CLDN16: variants seen among roughly 807,000 people sequenced by gnomAD.
CLDN16 encodes the protein claudin-16.
CLDN16 carries 13 observed loss-of-function variants against 24.6 expected under a neutral mutation model. The observed-to-expected ratio is 0.53, with a 90% confidence interval of 0.34 to 0.84. The LOEUF is 0.84. Among genes scored for constraint, CLDN16 ranks in the 40% least tolerant of loss-of-function variants. The pLI is 0.01. For synonymous variants in CLDN16, 116 were observed against 106.7 expected, an observed-to-expected ratio of 1.09 and a Z score of -0.54; for missense variants, 298 against 292.7, an observed-to-expected ratio of 1.02 and a Z score of -0.13.
chr3:190,372,211 C>T (rs918182979), intron 2 of CLDN16, among the ~76,000 whole-genome samples: 1 of 151,948 alleles, frequency 6.6e-6, no homozygotes, highest in Admixed American at 6.6e-5. Flanking sequence ...GAAAGCTTTG[C>T]AAACAGAGGG....
At chr3:190,343,816 T>G (rs890995978) in intron 1 of CLDN16, among the ~76,000 whole-genome samples, 1 of 151,838 alleles carries the variant, frequency 6.6e-6, no homozygotes, top group African/African-American at 2.4e-5. Context: ...AGAGTTCAGG[T>G]CTGGGGGAGA....
intron 3 of CLDN16, among the ~76,000 whole-genome samples, chr3:190,376,377 T>C (rs1718249102): frequency 6.6e-6 from 1 of 151,496 alleles, no homozygotes; most frequent in African/African-American, 2.4e-5. Context: ...ACTGAAGAAG[T>C]CACAAAATTG....
chr3:190,321,572 G>A (rs571643042), upstream of CLDN16, among the ~76,000 whole-genome samples: 54 of 152,320 alleles, frequency 3.5e-4, no homozygotes, highest in Non-Finnish European at 3.4e-4. Flanking sequence ...GCACACTTGA[G>A]AAGTTACCAG....
At position 190,381,567 on chromosome 3, in the gene CLDN16, G is replaced by C. The variant is rs138110768; in HGVS notation, n.306+6964G>C. The stretch of plus-strand genomic sequence containing the variant: ...TTACTCCTACTGCCTCTAGGCCCTT[G>C]ATAATATTATTTCTATCCCTGATGT... On this transcript the variant is annotated intron_variant and non_coding_transcript_variant, in intron 3 of 4. Transcript: ENST00000468220. Among the ~76,000 whole-genome samples the C allele has an allele frequency of 3.8e-3, 583 of 152,060 alleles. 5 individuals carry two copies. Among genetic ancestry groups the C allele is most frequent in the African/African-American group, 0.013 (558 of 41,484 alleles).
chr3:190,296,013 G>A, the CLDN16 span, among the ~76,000 whole-genome samples: 1 of 152,070 alleles, frequency 6.6e-6, no homozygotes, highest in South Asian at 2.1e-4. Context: ...TTTCTTCCCT[G>A]ATAATTATAA....
intron 1 of CLDN16, among the ~76,000 whole-genome samples, chr3:190,337,907 T>C (rs1317708828): frequency 6.6e-6 from 1 of 152,176 alleles, no homozygotes; most frequent in Non-Finnish European, 1.5e-5. Context: ...CTATGATACA[T>C]TGAATCAATT....
At chr3:190,325,558 A>G (rs993932132) in intron 1 of CLDN16, among the ~76,000 whole-genome samples, 1 of 152,202 alleles carries the variant, frequency 6.6e-6, no homozygotes, top group South Asian at 2.1e-4. Context: ...TGCTTGTGCG[A>G]CTGATGCTTG....
chr3:190,381,317 A>G (rs149299836), intron 3 of CLDN16, among the ~76,000 whole-genome samples: 1 of 152,198 alleles, frequency 6.6e-6, no homozygotes, highest in African/African-American at 2.4e-5. Flanking sequence ...GTAAAAAAAG[A>G]TGCTACCTAA....
intron 1 of CLDN16, among the ~76,000 whole-genome samples, chr3:190,356,818 A>G (rs1313184827): frequency 6.6e-6 from 1 of 151,934 alleles, no homozygotes; most frequent in African/African-American, 2.4e-5. Context: ...ATGATTGCAG[A>G]TATCATAATA....
intron 1 of CLDN16, among the ~76,000 whole-genome samples, chr3:190,357,635 C>T (rs377155220): frequency 6.6e-6 from 1 of 152,048 alleles, no homozygotes; most frequent in Admixed American, 6.6e-5. Flanking sequence ...ACCTTTCTCA[C>T]TCCTACACCA....
chr3:190,410,217 C>T lies in CLDN16; in HGVS notation c.*181C>T, dbSNP rs145675747. On this transcript the variant is annotated 3_prime_UTR_variant, in exon 5 of 5. Coordinates refer to ENST00000264734, the MANE Select transcript of CLDN16 (RefSeq NM_006580.4). ...TCTTTCTATTACTCTTATATTTTCC[C>T]GTCATTCTCTCTGCTAACCTTCCAC... The T allele has an allele frequency of 6.7e-3, 4,584 of 687,014 alleles. 25 individuals carry two copies. The highest frequency in any genetic ancestry group is 9.4e-3 in the Non-Finnish European group (3,781 of 402,384). The allele number at this position is 687,014 out of a possible 1,614,324, so 42.6% of individuals were successfully genotyped here.
intron 1 of CLDN16, among the ~76,000 whole-genome samples, chr3:190,356,016 T>G (rs944899342): frequency 2.0e-5 from 3 of 151,748 alleles, no homozygotes; most frequent in African/African-American, 7.2e-5. Context: ...CCTAAAATTA[T>G]TTTAGGTCCA....
At chr3:190,376,672 T>C (rs193231813) in intron 3 of CLDN16, among the ~76,000 whole-genome samples, 6 of 152,066 alleles carry the variant, frequency 3.9e-5, no homozygotes, top group African/African-American at 1.4e-4. Flanking sequence ...GTATCCAAAC[T>C]TAATCACTGA....
chr3:190,298,214 C>A, the CLDN16 span, among the ~76,000 whole-genome samples: 1 of 152,074 alleles, frequency 6.6e-6, no homozygotes, highest in Admixed American at 6.6e-5. Context: ...AGGACTAGAA[C>A]GTTACCAACA....
chr3:190,349,016 G>A (rs4686543), intron 1 of CLDN16, among the ~76,000 whole-genome samples: 100,931 of 152,118 alleles, frequency 0.66, 35,158 homozygotes, highest in East Asian at 0.93. Context: ...TCATGGCTGC[G>A]TAATATACCA....
chr3:190,315,866 G>A, the CLDN16 span, among the ~76,000 whole-genome samples: 1 of 152,088 alleles, frequency 6.6e-6, no homozygotes, highest in Non-Finnish European at 1.5e-5. Flanking sequence ...TCATGAGTCG[G>A]ACTGTGTAAA....
At chr3:190,404,692 G>A (rs1371004451) in intron 2 of CLDN16, 70 bp from the exon 3 acceptor site, 1 of 1,491,114 alleles carries the variant, frequency 6.7e-7, no homozygotes, top group South Asian at 1.1e-5. Context: ...TGTTTTTTTT[G>A]CTATGTCTCT....
intron 1 of CLDN16, among the ~76,000 whole-genome samples, chr3:190,338,273 C>T (rs571649640): frequency 6.6e-6 from 1 of 152,302 alleles, no homozygotes; most frequent in African/African-American, 2.4e-5. Flanking sequence ...ACAGCTGATA[C>T]ATGATCACTT....
intron 1 of CLDN16, among the ~76,000 whole-genome samples, chr3:190,344,418 G>C (rs952495433): frequency 1.3e-5 from 2 of 151,800 alleles, no homozygotes; most frequent in Admixed American, 1.3e-4. Flanking sequence ...ATATTTGATA[G>C]ATTTAATGTG....
Sources: gnomAD v4.1 joint callset for allele counts (sites outside exome capture counted in the v4.1 genomes callset) on GRCh38, gnomAD v4.1.1 for gene constraint, MANE v1.5 for transcripts, NCBI Gene and HGNC (gene_info 2026-07-23, HGNC 2026-07-21) for gene names.